The following SORCS2 variants were observed in gnomAD, a reference collection of about 807,000 sequenced individuals.
SORCS2 encodes VPS10 domain-containing receptor SorCS2.
SORCS2 carries 100 observed loss-of-function variants against 141.6 expected under a neutral mutation model. The ratio of observed to expected loss-of-function variants is 0.71; its 90% confidence interval spans 0.60 to 0.83. SORCS2 has a LOEUF of 0.83. SORCS2 is among the 40% of genes least tolerant of loss of function. SORCS2 has a pLI of 0.00. For missense variants in SORCS2, 1,646 were observed against 1,560.2 expected (o/e 1.05, Z -0.93); for synonymous variants, 789 against 676.9 (o/e 1.17, Z -2.57).
chr4:7,622,417 C>G (rs1400874935), intron 3 of SORCS2, among the ~76,000 whole-genome samples: 2 of 152,188 alleles, frequency 1.3e-5, no homozygotes. Context: ...GGTAGGGAGC[C>G]TCTTGCCACT....
In SORCS2 at chr4:7,233,453, C is replaced by T. The variant is rs1712046837; in HGVS notation, c.480+40327C>T. On this transcript the variant is annotated intron_variant, in intron 1 of 26. Transcript: ENST00000507866. The surrounding 1 kb of genome is among the most constrained non-coding windows in gnomAD (Gnocchi z 4.5). ...TTGCCATCCTGTTTCCATCCAGGGGCCCGGACACTGGGCCACAGTGCAGTA... is the reference window on the plus strand; with the variant it reads ...TTGCCATCCTGTTTCCATCCAGGGGTCCGGACACTGGGCCACAGTGCAGTA... Among the ~76,000 whole-genome samples, 1 of 151,834 alleles carries T rather than the reference C, an allele frequency of 6.6e-6. No individual in the cohort carries two copies. The highest frequency in any genetic ancestry group is 1.9e-4 in the East Asian group (1 of 5,188).
intron 2 of SORCS2, among the ~76,000 whole-genome samples, chr4:7,469,327 A>G (rs1729830873): frequency 6.6e-6 from 1 of 152,148 alleles, no homozygotes; most frequent in African/African-American, 2.4e-5. Flanking sequence ...AAGGGACTGG[A>G]AAATAGAACG....
intron 3 of SORCS2, among the ~76,000 whole-genome samples, chr4:7,627,167 G>C (rs997090155): frequency 6.6e-6 from 1 of 151,918 alleles, no homozygotes; most frequent in African/African-American, 2.4e-5. Context: ...TCTATACTTG[G>C]AGAGACAGGG....
intron 2 of SORCS2, among the ~76,000 whole-genome samples, chr4:7,436,438 G>A (rs546283101): frequency 6.6e-6 from 1 of 152,360 alleles, no homozygotes; most frequent in African/African-American, 2.4e-5. Flanking sequence ...GAACGCAGCT[G>A]TGTGCCAGAC....
At position 7,715,291 on chromosome 4, in the gene SORCS2, G is replaced by C; in HGVS notation, c.2232G>C (p.Gln744His). 1.9e-6 allele frequency: 3 copies of C among 1,613,990 alleles called. No homozygotes were observed. Among genetic ancestry groups the C allele is most frequent in the Admixed American group, 1.7e-5 (1 of 60,026 alleles). The stretch of plus-strand genomic sequence containing the variant: ...CGCCTGACGACTGTGCCCTGGGCCA[G>C]ACCTACACCAGCAGCCTTGGGTGAG... ...LSPPDDCALG[Q>H]TYTSSLGYRK... is the part of the protein sequence containing the mutation. The change falls in exon 17 of 27, where the codon CAG becomes CAC. Residue 744 changes from glutamine (Q) to histidine (H), a missense_variant. Transcript: ENST00000507866.
chr4:7,513,069 C>G (rs748408507), intron 2 of SORCS2, among the ~76,000 whole-genome samples: 1 of 151,004 alleles, frequency 6.6e-6, no homozygotes, highest in African/African-American at 2.4e-5. Flanking sequence ...AGGAGAGGGT[C>G]GCAGCCTGAA....
At chr4:7,250,416 G>T (rs189989335) in intron 1 of SORCS2, among the ~76,000 whole-genome samples, 1 of 152,306 alleles carries the variant, frequency 6.6e-6, no homozygotes, top group Non-Finnish European at 1.5e-5. Flanking sequence ...GGCTCTTCTG[G>T]TGTGGTTTCA....
At chr4:7,367,434 C>T (rs1721963449) in intron 1 of SORCS2, among the ~76,000 whole-genome samples, 1 of 152,260 alleles carries the variant, frequency 6.6e-6, no homozygotes, top group African/African-American at 2.4e-5. Context: ...TCTCCAGTTC[C>T]TCCTCTGTAA....
chr4:7,435,472 G>A (rs142677342), intron 2 of SORCS2, among the ~76,000 whole-genome samples: 1 of 152,372 alleles, frequency 6.6e-6, no homozygotes, highest in South Asian at 2.1e-4. Flanking sequence ...TGTTTGGGGA[G>A]TTAGTCTCTT....
intron 8 of SORCS2, among the ~76,000 whole-genome samples, chr4:7,675,307 C>T (rs952709186): frequency 6.6e-6 from 1 of 152,220 alleles, no homozygotes; most frequent in Non-Finnish European, 1.5e-5. Flanking sequence ...TGCCCTTCAA[C>T]CTCTGAGACT....
At chr4:7,399,758 G>C (rs2109121998) in intron 2 of SORCS2, among the ~76,000 whole-genome samples, 1 of 152,290 alleles carries the variant, frequency 6.6e-6, no homozygotes, top group African/African-American at 2.4e-5. Flanking sequence ...AGACTGCGGG[G>C]TCTCACCAGA....
rs540231839 is a variant in SORCS2 at position 7,303,013 on chromosome 4, G to A, written c.481-93275G>A. ...CCAAGCCTCCGTGGAGGGTCTCTGC[G>A]CCCCTGGGGTGCTGTGTGCACAGTG... On this transcript the variant is annotated intron_variant, in intron 1 of 26. Coordinates refer to ENST00000507866, the MANE Select transcript of SORCS2 (RefSeq NM_020777.3). Among the ~76,000 whole-genome samples the A allele has an allele frequency of 3.9e-5, 6 of 152,288 alleles. No homozygotes were observed. In the East Asian group the frequency reaches 7.7e-4, roughly 20 times the overall value.
At chr4:7,638,853 G>A (rs757515120) in intron 4 of SORCS2, among the ~76,000 whole-genome samples, 4 of 152,192 alleles carry the variant, frequency 2.6e-5, no homozygotes, top group South Asian at 2.1e-4. Context: ...AGAACATTGC[G>A]CACACCCTCA....
Position 7,676,094 on chromosome 4 carries a change from G to C in SORCS2, c.1206G>C (p.Ala402=), listed in dbSNP as rs751777021. 4 of 1,588,210 alleles carry C rather than the reference G, an allele frequency of 2.5e-6. No homozygotes were observed. Among genetic ancestry groups the C allele is most frequent in the Non-Finnish European group, 3.4e-6 (4 of 1,165,960 alleles). Residue 402 remains alanine (A), a synonymous_variant, in exon 9 of 27, where the codon GCG becomes GCC. Transcript: ENST00000507866. ...CGGACGAGAGTCAGGTGTTCGTGGC[G>C]GTGCAGGAGTGGTACCAGATGGACA... ...ISTDESQVFV[A]VQEWYQMDTY... is the part of the protein sequence containing the mutation.
chr4:7,641,751 A>G (rs1303109498), intron 4 of SORCS2, among the ~76,000 whole-genome samples: 1 of 150,238 alleles, frequency 6.7e-6, no homozygotes, highest in Non-Finnish European at 1.5e-5. Flanking sequence ...GGATGAATAG[A>G]TGTATAGATG....
intron 2 of SORCS2, among the ~76,000 whole-genome samples, chr4:7,416,320 G>A (rs1725664663): frequency 6.6e-6 from 1 of 152,114 alleles, no homozygotes; most frequent in African/African-American, 2.4e-5. Flanking sequence ...TATTCAATAG[G>A]GTGCTTGGCC....
At chr4:7,465,937 T>A (rs796560478) in intron 2 of SORCS2, among the ~76,000 whole-genome samples, 41 of 152,070 alleles carry the variant, frequency 2.7e-4, no homozygotes, top group African/African-American at 9.6e-4. Context: ...AGGCCAAGGA[T>A]CCATGCAAGG....
chr4:7,586,304 C>A (rs1716532813), intron 3 of SORCS2, among the ~76,000 whole-genome samples: 1 of 152,078 alleles, frequency 6.6e-6, no homozygotes, highest in African/African-American at 2.4e-5. Context: ...CTTTCACTGC[C>A]CCCAATGACG....
intron 3 of SORCS2, among the ~76,000 whole-genome samples, chr4:7,627,251 CT>C (rs1249133634): frequency 1.3e-5 from 2 of 152,174 alleles, no homozygotes; most frequent in Non-Finnish European, 2.9e-5. Flanking sequence ...TCTCAAAATG[CT>C]GGGATTACAG....
Sources: gnomAD v4.1 joint callset for allele counts (sites outside exome capture counted in the v4.1 genomes callset) on GRCh38, gnomAD v4.1.1 for gene constraint, Gnocchi (gnomAD v3.1) non-coding constraint, MANE v1.5 for transcripts, NCBI Gene and HGNC (gene_info 2026-07-23, HGNC 2026-07-21) for gene names.